The following INPP4B variants were observed in gnomAD, a reference collection of about 807,000 sequenced individuals.
INPP4B encodes inositol polyphosphate 4-phosphatase type II.
A neutral mutation model predicts 122.5 loss-of-function variants in INPP4B; 55 were observed. The observed-to-expected ratio is 0.45, with a 90% CI of 0.36 to 0.56. The LOEUF is 0.56. INPP4B is among the 20% of genes least tolerant of loss of function. INPP4B has a pLI of 0.00. For missense variants in INPP4B, 1,000 were observed against 1,097.7 expected, an observed-to-expected ratio of 0.91 and a Z score of 1.26; for synonymous variants, 403 against 388.7, an observed-to-expected ratio of 1.04 and a Z score of -0.43.
intron 2 of INPP4B, among the ~76,000 whole-genome samples, chr4:142,601,282 C>T (rs1343718118): frequency 6.6e-6 from 1 of 152,036 alleles, no homozygotes; most frequent in Non-Finnish European, 1.5e-5. Flanking sequence ...GAACATTCTC[C>T]AGGATAGACT....
intron 2 of INPP4B, among the ~76,000 whole-genome samples, chr4:142,579,863 ATAGATAGATAGGTAGG>A (rs1253473127): frequency 1.7e-5 from 2 of 118,892 alleles, no homozygotes; most frequent in Admixed American, 9.2e-5. Flanking sequence ...GAATGGATAG[ATAGATAGATAGGTAGG>A]TAGATAGATA....
chr4:142,362,400 AAG>A lies in INPP4B; in HGVS notation c.372+40536_372+40537del, dbSNP rs1315976826. On this transcript the variant is annotated intron_variant, in intron 7 of 25. Transcript: ENST00000262992. Reference sequence around the variant, plus strand: ...AAACACACTGTGAAGAGAAAAGAGAAAGAGAGAAAAGGAAAAGGATATGGTAT... The same window carrying A: ...AAACACACTGTGAAGAGAAAAGAGAAAGAGAAAAGGAAAAGGATATGGTAT... 2.6e-5 allele frequency among the ~76,000 whole-genome samples: 4 copies of A among 152,044 alleles called. No individual in the cohort carries two copies. The East Asian group carries it at 7.7e-4, about 29-fold the overall frequency.
At chr4:142,474,646 C>T (rs971838633) in intron 2 of INPP4B, among the ~76,000 whole-genome samples, 2 of 152,116 alleles carry the variant, frequency 1.3e-5, no homozygotes, top group African/African-American at 4.8e-5. Context: ...GGCAGACTAC[C>T]CCACTGACTC....
At chr4:142,768,651 T>C (rs1310361601) in intron 1 of INPP4B, among the ~76,000 whole-genome samples, 2 of 152,200 alleles carry the variant, frequency 1.3e-5, no homozygotes, top group Admixed American at 1.3e-4. Flanking sequence ...AGCTGGCACA[T>C]AGCAAGAGAT....
At chr4:142,331,562 A>G (rs1774522162) in intron 7 of INPP4B, among the ~76,000 whole-genome samples, 1 of 152,234 alleles carries the variant, frequency 6.6e-6, no homozygotes, top group Non-Finnish European at 1.5e-5. Flanking sequence ...TGTCTCTGAA[A>G]TCAATGATTT....
At chr4:142,032,358 C>T (rs1187808339) in intron 25 of INPP4B, among the ~76,000 whole-genome samples, 7 of 151,814 alleles carry the variant, frequency 4.6e-5, no homozygotes, top group Non-Finnish European at 8.8e-5. Flanking sequence ...AGTTATGGAC[C>T]CCATTTCCAT....
intron 7 of INPP4B, among the ~76,000 whole-genome samples, chr4:142,385,477 T>C (rs139756189): frequency 3.7e-4 from 57 of 152,262 alleles, no homozygotes; most frequent in Middle Eastern, 3.4e-3. Context: ...CTTCTGTACC[T>C]AGTGATTAGT....
At chr4:142,465,653 G>T (rs1239927032) in intron 2 of INPP4B, among the ~76,000 whole-genome samples, 1 of 152,092 alleles carries the variant, frequency 6.6e-6, no homozygotes, top group East Asian at 1.9e-4. Context: ...TATGGGGTTT[G>T]GATGTTTGTC....
intron 7 of INPP4B, among the ~76,000 whole-genome samples, chr4:142,326,271 A>G (rs1471419915): frequency 7.2e-5 from 11 of 152,230 alleles, no homozygotes; most frequent in Non-Finnish European, 1.6e-4. Context: ...ACAAAGTAGG[A>G]CAGACAACAG....
intron 8 of INPP4B, among the ~76,000 whole-genome samples, chr4:142,308,272 A>T (rs1764187410): frequency 6.6e-6 from 1 of 152,208 alleles, no homozygotes; most frequent in African/African-American, 2.4e-5. Context: ...GTTAAAAATC[A>T]ATCTGGATAA....
intron 2 of INPP4B, among the ~76,000 whole-genome samples, chr4:142,643,929 A>T (rs939934225): frequency 6.6e-6 from 1 of 152,142 alleles, no homozygotes; most frequent in African/African-American, 2.4e-5. Flanking sequence ...AGCTGGGTGC[A>T]GTGGCTCATG....
At chr4:142,424,967 A>G (rs1301176054) in intron 5 of INPP4B, among the ~76,000 whole-genome samples, 1 of 152,078 alleles carries the variant, frequency 6.6e-6, no homozygotes, top group Non-Finnish European at 1.5e-5. Flanking sequence ...CATTTTAGAG[A>G]AAACCAAGAA....
intron 5 of INPP4B, among the ~76,000 whole-genome samples, chr4:142,428,101 T>A (rs1046306063): frequency 6.6e-6 from 1 of 151,644 alleles, no homozygotes; most frequent in Non-Finnish European, 1.5e-5. Flanking sequence ...GTTCAAAAAA[T>A]GAATTACATA....
intron 7 of INPP4B, among the ~76,000 whole-genome samples, chr4:142,391,970 T>C (rs1018745567): frequency 6.6e-6 from 1 of 152,216 alleles, no homozygotes; most frequent in Non-Finnish European, 1.5e-5. Flanking sequence ...TAAATTATTA[T>C]GCTACAGTGT....
chr4:142,161,451 C>T (rs1820054140), intron 16 of INPP4B, among the ~76,000 whole-genome samples: 1 of 151,946 alleles, frequency 6.6e-6, no homozygotes, highest in South Asian at 2.1e-4. Context: ...ATATTGTTAA[C>T]ATATTCATAC....
chr4:142,288,641 G>A (rs545808246), intron 9 of INPP4B, among the ~76,000 whole-genome samples: 1 of 151,948 alleles, frequency 6.6e-6, no homozygotes, highest in Non-Finnish European at 1.5e-5. Flanking sequence ...CCTAAAATAA[G>A]CCTTTAATTA....
chr4:142,500,937 T>C (rs907734886), intron 2 of INPP4B, among the ~76,000 whole-genome samples: 4 of 152,074 alleles, frequency 2.6e-5, no homozygotes, highest in Non-Finnish European at 5.9e-5. Flanking sequence ...GATAAAAAAG[T>C]TCTAGAGATC....
chr4:142,566,732 T>C (rs1274525620), intron 2 of INPP4B, among the ~76,000 whole-genome samples: 1 of 152,168 alleles, frequency 6.6e-6, no homozygotes, highest in Non-Finnish European at 1.5e-5. Context: ...GTTCAGAAGT[T>C]TCTTTGGCCC....
chr4:142,290,617 A>C (rs1756035121), intron 9 of INPP4B, among the ~76,000 whole-genome samples: 1 of 152,092 alleles, frequency 6.6e-6, no homozygotes, highest in South Asian at 2.1e-4. Flanking sequence ...GGGCCTTTGC[A>C]CTAGCAATTT....
Sources: allele counts gnomAD v4.1 joint callset (sites outside exome capture counted in the v4.1 genomes callset), GRCh38; gene constraint gnomAD v4.1.1; transcripts MANE v1.5; gene names NCBI Gene and HGNC (gene_info 2026-07-23, HGNC 2026-07-21).